The following PLCG2 variants were observed in gnomAD, a reference collection of about 807,000 sequenced individuals.
The protein encoded by PLCG2 is 1-phosphatidylinositol 4,5-bisphosphate phosphodiesterase gamma-2.
In PLCG2, 69 loss-of-function variants were observed where a neutral mutation model predicts 175.6. The ratio of observed to expected loss-of-function variants is 0.39; its 90% CI spans 0.32 to 0.48. PLCG2 has a LOEUF of 0.48. PLCG2 is among the 20% of genes least tolerant of loss of function. The pLI is 0.91. For synonymous variants in PLCG2, 827 were observed against 624.0 expected (o/e 1.33, Z -4.85); for missense variants, 1,798 against 1,650.9 (o/e 1.09, Z -1.54).
intron 2 of PLCG2, 62 bp from the exon 3 acceptor site, chr16:81,854,382 G>C: frequency 1.3e-6 from 2 of 1,490,808 alleles, no homozygotes; most frequent in Non-Finnish European, 1.9e-6. Flanking sequence ...GCAGTTGTGT[G>C]GCTGCATCCT....
At chr16:81,933,445 G>C (rs568046771) in intron 25 of PLCG2, among the ~76,000 whole-genome samples, 1 of 152,324 alleles carries the variant, frequency 6.6e-6, no homozygotes, top group African/African-American at 2.4e-5. Context: ...ATTGATGGCA[G>C]AGGGCAGTCA....
At chr16:81,824,634 C>G (rs1223624019) in intron 2 of PLCG2, among the ~76,000 whole-genome samples, 1 of 152,188 alleles carries the variant, frequency 6.6e-6, no homozygotes, top group African/African-American at 2.4e-5. Flanking sequence ...ACTGGGCATT[C>G]AGATTCAGCG....
At chr16:81,755,764 G>A (rs1464962890) in intron 1 of PLCG2, 2 of 152,202 alleles carry the variant, frequency 1.3e-5, no homozygotes, top group Admixed American at 1.3e-4. Flanking sequence ...GACCTCAAGT[G>A]ATCCGCCTGC....
rs1907396070 is a variant in PLCG2 at position 81,869,253 on chromosome 16, C to G, written c.519C>G (p.Ile173Met). The G allele has an allele frequency of 1.2e-6, 2 of 1,613,996 alleles. No homozygotes were observed. The highest frequency in any genetic ancestry group is 2.2e-5 in the East Asian group (1 of 44,880). The change falls in exon 6 of 33, where the codon ATC becomes ATG. Residue 173 changes from isoleucine (I) to methionine (M), a missense_variant. Ile to Met is a conservative substitution (Grantham distance 10). Transcript: ENST00000564138. ...LRELKTILPL[I>M]NFKVSSAKFL... ...AGTTGAAGACCATCTTGCCCCTGAT[C>G]AACTTTAAAGTGAGCAGTGCCAAGT...
chr16:81,751,447 A>G (rs895157510), intron 1 of PLCG2, among the ~76,000 whole-genome samples: 1 of 152,258 alleles, frequency 6.6e-6, no homozygotes, highest in African/African-American at 2.4e-5. Context: ...AGCAGAGAGT[A>G]GAATGGTGGT....
chr16:81,865,315 G>C (rs1264371221), intron 5 of PLCG2, among the ~76,000 whole-genome samples: 2 of 152,154 alleles, frequency 1.3e-5, no homozygotes, highest in African/African-American at 4.8e-5. Context: ...TGGGGGCTCA[G>C]CCTGCCTGTG....
chr16:81,945,173 GT>G (rs970355383), intron 30 of PLCG2, among the ~76,000 whole-genome samples: 6 of 152,188 alleles, frequency 3.9e-5, no homozygotes, highest in Non-Finnish European at 1.5e-5. Context: ...AGTGGATATT[GT>G]TTGAAGGTGA....
At chr16:81,917,543 C>G (rs932700945) in intron 19 of PLCG2, among the ~76,000 whole-genome samples, 4 of 152,152 alleles carry the variant, frequency 2.6e-5, no homozygotes, top group Admixed American at 6.5e-5. Context: ...TTCTCCACAT[C>G]CCCACCAGCA....
intron 1 of PLCG2, among the ~76,000 whole-genome samples, chr16:81,742,863 T>C (rs1205762824): frequency 6.6e-6 from 1 of 152,178 alleles, no homozygotes; most frequent in Non-Finnish European, 1.5e-5. Context: ...GTTCTTATCA[T>C]TGGTCCCGCT....
At chr16:81,909,425 A>G (rs1465997213) in intron 17 of PLCG2, among the ~76,000 whole-genome samples, 1 of 151,664 alleles carries the variant, frequency 6.6e-6, no homozygotes, top group Non-Finnish European at 1.5e-5. Flanking sequence ...TCTGTCACTT[A>G]AAAAAAAATT....
At chr16:81,787,224 C>G (rs192779915) in intron 2 of PLCG2, among the ~76,000 whole-genome samples, 2 of 151,226 alleles carry the variant, frequency 1.3e-5, no homozygotes, top group African/African-American at 4.9e-5. Context: ...TTTTTTAAAA[C>G]AAAATTAATT....
chr16:81,883,682 C>T lies in PLCG2; in HGVS notation c.765+341C>T, dbSNP rs908627091. ...ACCTGGCTGGGTGCACCTTTTCTGG[C>T]CATCATCTCAGGTGTCACTGCCTGG... On this transcript the variant is annotated intron_variant, in intron 9 of 32. Transcript: ENST00000564138. 1.2e-5 allele frequency: 4 copies of T among 342,358 alleles called. No individual in the cohort carries two copies. In the East Asian group the frequency reaches 2.8e-4, roughly 24 times the overall value. 21.2% of individuals were successfully genotyped at this position (342,358 alleles called of 1,614,324 possible).
intron 2 of PLCG2, among the ~76,000 whole-genome samples, chr16:81,771,335 C>T (rs928696456): frequency 6.6e-6 from 1 of 152,178 alleles, no homozygotes; most frequent in Non-Finnish European, 1.5e-5. Context: ...TCAAGGGATC[C>T]TCCCATCTCA....
intron 21 of PLCG2, among the ~76,000 whole-genome samples, chr16:81,921,994 T>C (rs1403532618): frequency 6.6e-6 from 1 of 152,208 alleles, no homozygotes; most frequent in Non-Finnish European, 1.5e-5. Context: ...GCAAAAACTT[T>C]TGTTAGTAGT....
intron 2 of PLCG2, among the ~76,000 whole-genome samples, chr16:81,836,362 G>T (rs909896518): frequency 6.6e-6 from 1 of 152,184 alleles, no homozygotes; most frequent in Non-Finnish European, 1.5e-5. Context: ...CCCACTGGTG[G>T]AGCCAAGAGG....
intron 2 of PLCG2, among the ~76,000 whole-genome samples, chr16:81,786,844 T>C (rs1910993781): frequency 6.6e-6 from 1 of 152,226 alleles, no homozygotes; most frequent in Non-Finnish European, 1.5e-5. Flanking sequence ...AACTAGTTTT[T>C]AATTGAAATA....
intron 31 of PLCG2, among the ~76,000 whole-genome samples, chr16:81,947,245 G>A (rs1037586705): frequency 1.3e-5 from 2 of 152,154 alleles, no homozygotes; most frequent in African/African-American, 4.8e-5. Flanking sequence ...GCTTAATGCC[G>A]GGGCTGCCAC....
intron 2 of PLCG2, among the ~76,000 whole-genome samples, chr16:81,799,743 C>T (rs1911638160): frequency 6.6e-6 from 1 of 152,014 alleles, no homozygotes; most frequent in Admixed American, 6.6e-5. Context: ...CAGGCGCCCG[C>T]CACCACACTT....
At chr16:81,812,185 G>T (rs1267627273) in intron 2 of PLCG2, among the ~76,000 whole-genome samples, 2 of 151,784 alleles carry the variant, frequency 1.3e-5, no homozygotes, top group African/African-American at 4.8e-5. Flanking sequence ...GAGTAGCTGG[G>T]ACTACAGGCA....
Sources: allele counts gnomAD v4.1 joint callset (sites outside exome capture counted in the v4.1 genomes callset), GRCh38; gene constraint gnomAD v4.1.1; transcripts MANE v1.5; gene names NCBI Gene and HGNC (gene_info 2026-07-23, HGNC 2026-07-21).